BANF2: variants seen among roughly 807,000 people sequenced by gnomAD.
BANF2 encodes barrier-to-autointegration factor-like protein.
A neutral mutation model predicts 8.0 loss-of-function variants in BANF2; 4 were observed. That is an observed-to-expected ratio of 0.50 (90% CI 0.25 to 1.14). The LOEUF (loss-of-function observed/expected upper bound fraction) is 1.14, where lower values mean the gene tolerates loss of function less well. Ranked by LOEUF, BANF2 falls within the 50% of genes most tolerant of loss-of-function variation. The pLI is 0.16. For missense variants in BANF2, 96 were observed against 107.5 expected, an observed-to-expected ratio of 0.89 and a Z score of 0.47; for synonymous variants, 50 against 40.6, an observed-to-expected ratio of 1.23 and a Z score of -0.88.
intron 1 of BANF2, among the ~76,000 whole-genome samples, chr20:17,694,372 G>A (rs2037324631): frequency 6.6e-6 from 1 of 152,116 alleles, no homozygotes; most frequent in Non-Finnish European, 1.5e-5. Context: ...TGGGAGCAGA[G>A]GTCTTCTAGG....
chr20:17,728,462 T>A (rs1415192686), intron 3 of BANF2, among the ~76,000 whole-genome samples: 1 of 152,126 alleles, frequency 6.6e-6, no homozygotes, highest in Non-Finnish European at 1.5e-5. Flanking sequence ...GATGTCCTAT[T>A]ACCTCTCTGG....
intron 3 of BANF2, among the ~76,000 whole-genome samples, chr20:17,730,195 C>A (rs2037871326): frequency 6.6e-6 from 1 of 152,208 alleles, no homozygotes; most frequent in African/African-American, 2.4e-5. Flanking sequence ...TGGTAAAAAA[C>A]AATCCTACAA....
intron 1 of BANF2, among the ~76,000 whole-genome samples, chr20:17,700,960 C>T (rs2037399791): frequency 6.6e-6 from 1 of 152,216 alleles, no homozygotes; most frequent in South Asian, 2.1e-4. Flanking sequence ...AAAGGAGTGG[C>T]TTCTATAGGG....
chr20:17,735,711 C>T lies in BANF2; in HGVS notation c.173C>T (p.Ala58Val). The T allele has an allele frequency of 6.2e-7, 1 of 1,613,812 alleles. No homozygotes were observed. The highest frequency in any genetic ancestry group is 8.5e-7 in the Non-Finnish European group (1 of 1,179,736). The change falls in exon 4 of 4, where the codon GCC becomes GTC. Residue 58 changes from alanine to valine, a missense_variant. Transcript: ENST00000246090. ...TTCCTTCTGATGCACAAGAATGAAGCCGAGTTTCAGAGGTGGCTCATTTGC... is the reference window on the plus strand; with the variant it reads ...TTCCTTCTGATGCACAAGAATGAAGTCGAGTTTCAGAGGTGGCTCATTTGC... ...GQFLLMHKNE[A>V]EFQRWLICCF...
intron 1 of BANF2, chr20:17,712,498 A>G: frequency 2.0e-6 from 2 of 981,072 alleles, no homozygotes; most frequent in Middle Eastern, 5.2e-4. Flanking sequence ...GACTCTACCC[A>G]CTGGAATCTA....
chr20:17,703,700 G>T (rs528391311), intron 1 of BANF2, among the ~76,000 whole-genome samples: 1 of 148,986 alleles, frequency 6.7e-6, no homozygotes, highest in Non-Finnish European at 1.5e-5. Flanking sequence ...GTTTGTCTGG[G>T]TTTTCTTACA....
rs574065609 is a variant in BANF2 at position 17,719,847 on chromosome 20, G to A, written c.-166-2869G>A. 5.3e-5 allele frequency among the ~76,000 whole-genome samples: 8 copies of A among 152,252 alleles called. No homozygotes were observed. The East Asian group carries it at 1.4e-3, about 26-fold the overall frequency. ...GGGGTAGACACTGCCTGGGAGCTGC[G>A]AGCATGTGCCATATGGCAGCACAGA... is the stretch of plus-strand genomic sequence containing the variant. On this transcript the variant is annotated intron_variant, in intron 1 of 3. Coordinates refer to ENST00000246090, the MANE Select transcript of BANF2 (RefSeq NM_178477.5).
intron 1 of BANF2, among the ~76,000 whole-genome samples, chr20:17,714,829 A>G (rs1432575772): frequency 6.6e-6 from 1 of 152,156 alleles, no homozygotes; most frequent in African/African-American, 2.4e-5. Flanking sequence ...AAGACTATAA[A>G]TAGCCTCATG....
intron 1 of BANF2, among the ~76,000 whole-genome samples, chr20:17,701,698 C>T (rs563742073): frequency 6.0e-4 from 92 of 152,248 alleles, no homozygotes; most frequent in African/African-American, 1.8e-3. Context: ...GCCTTAAGGA[C>T]GGCTGCAAAC....
chr20:17,729,274 C>A (rs1352228381), intron 3 of BANF2, among the ~76,000 whole-genome samples: 1 of 152,192 alleles, frequency 6.6e-6, no homozygotes, highest in Non-Finnish European at 1.5e-5. Context: ...CTCGAACCAC[C>A]CTCCTGCCAA....
At chr20:17,731,056 G>C (rs2037886942) in intron 3 of BANF2, 1 of 152,254 alleles carries the variant, frequency 6.6e-6, no homozygotes, top group African/African-American at 2.4e-5. Context: ...TTGAGGTCAG[G>C]AGTTCAAGAC....
chr20:17,724,937 T>A, intron 2 of BANF2, 86 bp from the exon 3 acceptor site: 1 of 1,355,616 alleles, frequency 7.4e-7, no homozygotes, highest in Non-Finnish European at 1.0e-6. Context: ...AGTCCCTTGG[T>A]GGGCTGAGGG....
chr20:17,701,661 C>T (rs2037410849), intron 1 of BANF2, among the ~76,000 whole-genome samples: 1 of 152,212 alleles, frequency 6.6e-6, no homozygotes, highest in African/African-American at 2.4e-5. Flanking sequence ...TTTGCCCACC[C>T]TCTGCGATTG....
intron 3 of BANF2, among the ~76,000 whole-genome samples, chr20:17,728,234 T>A (rs2037838674): frequency 6.6e-6 from 1 of 152,202 alleles, no homozygotes; most frequent in Admixed American, 6.5e-5. Context: ...CCCTTGCTTG[T>A]GACGGCGTTC....
At chr20:17,718,170 A>T (rs2037681950) in intron 1 of BANF2, among the ~76,000 whole-genome samples, 1 of 152,060 alleles carries the variant, frequency 6.6e-6, no homozygotes, top group South Asian at 2.1e-4. Flanking sequence ...TTCTAATGGG[A>T]GTCACTTTTT....
chr20:17,710,552 C>T (rs1435548223), intron 1 of BANF2, among the ~76,000 whole-genome samples: 1 of 152,206 alleles, frequency 6.6e-6, no homozygotes, highest in Non-Finnish European at 1.5e-5. Context: ...TCCATTTCTC[C>T]CGCTTGCCTG....
chr20:17,718,378 T>C (rs1368982305), intron 1 of BANF2, among the ~76,000 whole-genome samples: 1 of 151,946 alleles, frequency 6.6e-6, no homozygotes, highest in East Asian at 1.9e-4. Flanking sequence ...CTAATTTTTG[T>C]ATTTTTAGTA....
intron 1 of BANF2, among the ~76,000 whole-genome samples, chr20:17,715,631 C>T (rs998460341): frequency 6.6e-6 from 1 of 152,206 alleles, no homozygotes; most frequent in African/African-American, 2.4e-5. Flanking sequence ...GATGCCTAAG[C>T]CATGGGCCTG....
At chr20:17,731,926 C>T (rs1369553132) in intron 3 of BANF2, among the ~76,000 whole-genome samples, 4 of 149,932 alleles carry the variant, frequency 2.7e-5, no homozygotes, top group South Asian at 4.2e-4. Context: ...ATTATCCAAG[C>T]GTGGTGGCAC....
Sources: gnomAD v4.1 joint callset for allele counts (sites outside exome capture counted in the v4.1 genomes callset) on GRCh38, gnomAD v4.1.1 for gene constraint, MANE v1.5 for transcripts, NCBI Gene and HGNC (gene_info 2026-07-23, HGNC 2026-07-21) for gene names.